The following ZNF493 variants were observed in gnomAD, a reference collection of about 807,000 sequenced individuals.
The protein encoded by ZNF493 is zinc finger protein 493.
In ZNF493, 11 loss-of-function variants were observed where a neutral mutation model predicts 12.2. The ratio of observed to expected loss-of-function variants is 0.90; its 90% CI spans 0.57 to 1.50. ZNF493 has a LOEUF of 1.50. ZNF493 is among the 40% of genes most tolerant of loss of function. The pLI is 0.00. For synonymous variants in ZNF493, 286 were observed against 302.6 expected, an observed-to-expected ratio of 0.95 and a Z score of 0.57; for missense variants, 950 against 906.6, an observed-to-expected ratio of 1.05 and a Z score of -0.61.
rs750881404 is a variant in ZNF493 at position 21,423,293 on chromosome 19, T to A, written c.634T>A (p.Cys212Ser). 1.2e-6 allele frequency: 2 copies of A among 1,613,882 alleles called. No homozygotes were observed. The highest frequency in any genetic ancestry group is 1.7e-6 in the Non-Finnish European group (2 of 1,179,860). The part of the protein sequence containing the change: ...RIHIRENSYR[C>S]EECGKAFIWF... The stretch of plus-strand genomic sequence containing the variant: ...TCATATTAGAGAGAATTCTTACCGA[T>A]GTGAAGAATGTGGCAAAGCCTTTAT... Residue 212 changes from cysteine to serine, a missense_variant, in exon 4 of 4, where the codon TGT becomes AGT. Coordinates refer to ENST00000392288, the MANE Select transcript of ZNF493 (RefSeq NM_001076678.3).
In ZNF493 at chr19:21,424,540, A is replaced by G. The variant is rs1306538253; in HGVS notation, c.1881A>G (p.Lys627=). ...ATAAGAAAATTCATACTGGAGAAAA[A>G]CCCTACAAATGTGAAGAATGTGGCA... ...SIHKKIHTGE[K]PYKCEECGKA... is the part of the protein sequence containing the mutation. Residue 627 remains lysine (K), a synonymous_variant, in exon 4 of 4, where the codon AAA becomes AAG. Coordinates refer to ENST00000392288, the MANE Select transcript of ZNF493 (RefSeq NM_001076678.3). 3 of 1,613,490 alleles carry G rather than the reference A, an allele frequency of 1.9e-6. No homozygotes were observed. The highest frequency in any genetic ancestry group is 1.7e-5 in the Admixed American group (1 of 59,962).
chr19:21,398,416 G>T, intron 1 of ZNF493: 1 of 192,772 alleles, frequency 5.2e-6, no homozygotes, highest in Non-Finnish European at 1.1e-5. Context: ...TCTAGGCACA[G>T]AGATGTTACC....
intron 3 of ZNF493, among the ~76,000 whole-genome samples, chr19:21,409,675 T>C (rs937769020): frequency 1.3e-5 from 2 of 152,120 alleles, no homozygotes; most frequent in African/African-American, 4.8e-5. Flanking sequence ...AGCCTGGAAG[T>C]TTGAGGCTGA....
At chr19:21,406,274 A>G (rs975455797) in intron 3 of ZNF493, among the ~76,000 whole-genome samples, 6 of 152,120 alleles carry the variant, frequency 3.9e-5, no homozygotes, top group Non-Finnish European at 7.4e-5. Context: ...TACCATCACC[A>G]AATCTGTCCT....
intron 1 of ZNF493, chr19:21,397,560 C>T (rs1974193588): frequency 3.5e-6 from 2 of 576,452 alleles, no homozygotes; most frequent in African/African-American, 3.7e-5. Context: ...GTGCGGGGAC[C>T]ACGGGAGGGT....
chr19:21,399,615 G>C (rs1464678375), intron 1 of ZNF493, among the ~76,000 whole-genome samples: 1 of 151,994 alleles, frequency 6.6e-6, no homozygotes, highest in African/African-American at 2.4e-5. Flanking sequence ...TAAAAGATTT[G>C]GGTTTCAAAA....
In ZNF493 at chr19:21,397,142, C is replaced by G; in HGVS notation, c.-96C>G. The G allele has an allele frequency of 6.9e-7, 1 of 1,440,640 alleles. No homozygotes were observed. Among genetic ancestry groups the G allele is most frequent in the East Asian group, 2.3e-5 (1 of 44,018 alleles). The allele number at this position is 1,440,640 out of a possible 1,614,324, so 89.2% of individuals were successfully genotyped here. ...GGGATGTGGCTGGGCCATTGTTTCT[C>G]TCTGCTGCCGGAGCTCCAGGTCTAC... On this transcript the variant is annotated 5_prime_UTR_variant, in exon 1 of 4. Transcript: ENST00000392288.
At chr19:21,412,369 G>C (rs1315891706) in intron 3 of ZNF493, 1 of 152,434 alleles carries the variant, frequency 6.6e-6, no homozygotes, top group African/African-American at 2.4e-5. Flanking sequence ...TCCACCCTGG[G>C]TGGGCCAGGT....
intron 3 of ZNF493, among the ~76,000 whole-genome samples, chr19:21,420,625 T>TATATATATA (rs1568382547): frequency 1.1e-4 from 2 of 18,016 alleles, no homozygotes; most frequent in Non-Finnish European, 2.2e-4. Context: ...ATATATATAT[T>TATATATATA]TTTTTTTTTT....
chr19:21,399,223 C>T (rs925841582), intron 1 of ZNF493, among the ~76,000 whole-genome samples: 2 of 151,876 alleles, frequency 1.3e-5, no homozygotes, highest in Admixed American at 6.6e-5. Context: ...TGCTGTGGCC[C>T]GATCTCGGCT....
chr19:21,410,170 A>G (rs972489233), intron 3 of ZNF493, among the ~76,000 whole-genome samples: 2 of 151,412 alleles, frequency 1.3e-5, no homozygotes, highest in African/African-American at 4.8e-5. Flanking sequence ...TACGGGTACA[A>G]TAAACATGGA....
chr19:21,408,535 C>A (rs971044466), intron 3 of ZNF493: 1 of 983,962 alleles, frequency 1.0e-6, no homozygotes, highest in Non-Finnish European at 1.2e-6. Flanking sequence ...AAAATACCTG[C>A]TTTTGATGAG....
At chr19:21,404,894 A>G (rs1254362166) in intron 1 of ZNF493, among the ~76,000 whole-genome samples, 4 of 152,200 alleles carry the variant, frequency 2.6e-5, no homozygotes, top group Non-Finnish European at 5.9e-5. Flanking sequence ...ATACTTTACT[A>G]TTAATAAAAG....
rs376962448 is a variant in ZNF493, at chr19:21,424,592, G to T, written c.1933G>T (p.Ala645Ser). The T allele has an allele frequency of 3.8e-6, 6 of 1,574,646 alleles. No homozygotes were observed. Among genetic ancestry groups the T allele is most frequent in the South Asian group, 1.1e-5 (1 of 89,108 alleles). Residue 645 changes from alanine (A) to serine (S), a missense_variant, in exon 4 of 4, where the codon GCT (alanine) becomes TCT (serine). Ala to Ser is a moderately conservative substitution (Grantham distance 99). Transcript: ENST00000392288. ...AGCTTTTAAGCGGTCCTCACACCTC[G>T]CTGGGCACAAGCAAATTCATAGTGT... is the stretch of plus-strand genomic sequence containing the variant. ...GKAFKRSSHL[A>S]GHKQIHSVQK...
Position 21,423,221 on chromosome 19 carries a change from G to C in ZNF493, c.562G>C (p.Gly188Arg), listed in dbSNP as rs779597206. The change falls in exon 4 of 4, where the codon GGC (glycine) becomes CGC (arginine). Residue 188 changes from glycine to arginine, a missense_variant. Gly to Arg is a moderately radical substitution (Grantham distance 125). Transcript: ENST00000392288. ...GKKPFKCKKC[G>R]KSFCMLLHLC... Reference sequence around the variant, plus strand: ...GAAACCTTTCAAATGTAAAAAATGTGGCAAATCATTTTGCATGCTTTTACA... The same window carrying C: ...GAAACCTTTCAAATGTAAAAAATGTCGCAAATCATTTTGCATGCTTTTACA... The C allele has an allele frequency of 1.9e-6, 3 of 1,613,708 alleles. No individual in the cohort carries two copies. In the South Asian group the frequency reaches 3.3e-5, roughly 18 times the overall value.
intron 3 of ZNF493, among the ~76,000 whole-genome samples, chr19:21,418,114 G>A (rs553153326): frequency 1.3e-5 from 2 of 152,140 alleles, no homozygotes; most frequent in Middle Eastern, 3.2e-3. Context: ...GGCACTGCTC[G>A]AACAGTCACT....
In ZNF493 at chr19:21,421,973, A is replaced by C. The variant is rs1451374769; in HGVS notation, c.254-940A>C. Among the ~76,000 whole-genome samples, 4 of 152,208 alleles carry C rather than the reference A, an allele frequency of 2.6e-5. No individual in the cohort carries two copies. The East Asian group carries it at 7.7e-4, about 29-fold the overall frequency. ...CAATTCTCCTGCCACAGCCTCCTGAATAGCTAGGACTACAGATAAGTGCCA... is the reference window on the plus strand; with the variant it reads ...CAATTCTCCTGCCACAGCCTCCTGACTAGCTAGGACTACAGATAAGTGCCA... On this transcript the variant is annotated intron_variant, in intron 3 of 3. Transcript: ENST00000392288.
chr19:21,408,291 A>G (rs1300147454), intron 3 of ZNF493: 1 of 599,902 alleles, frequency 1.7e-6, no homozygotes, highest in Non-Finnish European at 2.1e-6. Context: ...ACGCCCAGCT[A>G]ATTTTTTGTG....
Position 21,423,483 on chromosome 19 carries a change from A to G in ZNF493, c.824A>G (p.Tyr275Cys), listed in dbSNP as rs1322803474. 4.3e-6 allele frequency: 7 copies of G among 1,613,016 alleles called. No individual in the cohort carries two copies. The highest frequency in any genetic ancestry group is 5.9e-6 in the Non-Finnish European group (7 of 1,179,594). ...YKCEECGTSF[Y>C]QFSYLTRHKL... is the part of the protein sequence containing the mutation. ...TGTGAAGAATGTGGCACATCTTTCT[A>G]CCAATTCTCATACCTTACTAGGCAT... is the stretch of plus-strand genomic sequence containing the variant. The change falls in exon 4 of 4, where the codon TAC becomes TGC. Residue 275 changes from tyrosine to cysteine, a missense_variant. Physicochemically the swap from Tyr to Cys is radical, Grantham distance 194 (BLOSUM62 -2). Coordinates refer to ENST00000392288, the MANE Select transcript of ZNF493 (RefSeq NM_001076678.3).
Sources: gnomAD v4.1 joint callset for allele counts (sites outside exome capture counted in the v4.1 genomes callset) on GRCh38, gnomAD v4.1.1 for gene constraint, MANE v1.5 for transcripts, NCBI Gene and HGNC (gene_info 2026-07-23, HGNC 2026-07-21) for gene names.